The following SNX25 variants were observed in gnomAD, a reference collection of about 807,000 sequenced individuals.
SNX25 encodes the protein sorting nexin-25.
In SNX25, 62 loss-of-function variants were observed where a neutral mutation model predicts 113.7. The observed-to-expected ratio is 0.55, with a 90% confidence interval of 0.44 to 0.67. The LOEUF is 0.67. Among genes scored for constraint, SNX25 ranks in the 30% least tolerant of loss-of-function variants. The pLI, the probability that SNX25 is intolerant of heterozygous loss-of-function variation, is 0.00. For missense variants in SNX25, 1,014 were observed against 1,161.0 expected, an observed-to-expected ratio of 0.87 and a Z score of 1.84; for synonymous variants, 421 against 436.2, an observed-to-expected ratio of 0.97 and a Z score of 0.43.
chr4:185,243,896 T>C (rs1417555796), intron 1 of SNX25, among the ~76,000 whole-genome samples: 1 of 152,226 alleles, frequency 6.6e-6, no homozygotes, highest in Non-Finnish European at 1.5e-5. Flanking sequence ...GATAGACACA[T>C]ATCCAAAGAA....
chr4:185,294,815 G>A (rs1055786920), intron 6 of SNX25, among the ~76,000 whole-genome samples: 2 of 151,856 alleles, frequency 1.3e-5, no homozygotes, highest in African/African-American at 2.4e-5. Context: ...ATTTAAGTAC[G>A]GATACTTTTT....
intron 2 of SNX25, among the ~76,000 whole-genome samples, chr4:185,256,422 G>GA (rs1420859237): frequency 6.6e-6 from 1 of 151,916 alleles, no homozygotes; most frequent in South Asian, 2.1e-4. Flanking sequence ...CTGGAAATGT[G>GA]AAAAAACATT....
chr4:185,331,124 T>C (rs910740190), intron 9 of SNX25, among the ~76,000 whole-genome samples: 2 of 152,224 alleles, frequency 1.3e-5, no homozygotes, highest in Non-Finnish European at 1.5e-5. Flanking sequence ...CCAGAGCTCC[T>C]ACTCTTTGTT....
intron 5 of SNX25, among the ~76,000 whole-genome samples, chr4:185,287,242 T>G (rs1751465885): frequency 6.6e-6 from 1 of 152,206 alleles, no homozygotes; most frequent in Non-Finnish European, 1.5e-5. Context: ...TTTCCTGACT[T>G]GGAGGTCTTC....
chr4:185,366,504 C>A (rs576055307), downstream of SNX25: 4 of 152,278 alleles, frequency 2.6e-5, 1 homozygote, highest in South Asian at 8.3e-4. Flanking sequence ...TTATAACCCA[C>A]TTTTTTGAAG....
At chr4:185,267,708 G>A (rs1326663903) in intron 5 of SNX25, among the ~76,000 whole-genome samples, 5 of 151,284 alleles carry the variant, frequency 3.3e-5, no homozygotes, top group Admixed American at 6.6e-5. Flanking sequence ...TCCAGCCTGG[G>A]TGACAGAGTG....
At chr4:185,360,928 A>AT (rs10655975) in intron 16 of SNX25, among the ~76,000 whole-genome samples, 4,302 of 115,782 alleles carry the variant, frequency 0.037, 239 homozygotes, top group African/African-American at 0.17. Context: ...CAAAAAAAAA[A>AT]TAATATATAT....
rs1737518788 is a variant in SNX25, at chr4:185,210,236, C to G, written c.410C>G (p.Ala137Gly). 1.3e-5 allele frequency: 13 copies of G among 984,966 alleles called. No homozygotes were observed. Among genetic ancestry groups the G allele is most frequent in the Non-Finnish European group, 1.6e-5 (13 of 830,054 alleles). 61.0% of individuals were successfully genotyped at this position (984,966 alleles called of 1,614,324 possible). The stretch of plus-strand genomic sequence containing the variant: ...TGGAGCCGGCTGGCCGCGACCTCAG[C>G]CGCCCGCCGCCCGCCGGGGGTAAGT... ...AAWSRLAATS[A>G]ARRPPGSPVY... The change falls in exon 1 of 19, where the codon GCC (alanine) becomes GGC (glycine). Residue 137 changes from alanine to glycine, a missense_variant. Ala to Gly is a moderately conservative substitution (Grantham distance 60). Coordinates refer to ENST00000652585, the MANE Select transcript of SNX25 (RefSeq NM_001378034.2). The surrounding 1 kb of genome is among the most constrained non-coding windows in gnomAD (Gnocchi z 4.4).
At chr4:185,219,816 T>C (rs1050118854) in intron 1 of SNX25, among the ~76,000 whole-genome samples, 1 of 152,094 alleles carries the variant, frequency 6.6e-6, no homozygotes, top group African/African-American at 2.4e-5. Context: ...ACCCGAGGGC[T>C]GCTTGCAGGC....
At chr4:185,287,605 G>A (rs938979871) in intron 5 of SNX25, among the ~76,000 whole-genome samples, 1 of 152,196 alleles carries the variant, frequency 6.6e-6, no homozygotes, top group Non-Finnish European at 1.5e-5. Flanking sequence ...GGAACTAAAC[G>A]TTTATTAATT....
downstream of SNX25, chr4:185,366,467 G>A (rs896516984): frequency 2.0e-5 from 3 of 152,164 alleles, no homozygotes; most frequent in Non-Finnish European, 2.9e-5. Flanking sequence ...GGGAAGATTT[G>A]GAGGGGCAAG....
intron 11 of SNX25, among the ~76,000 whole-genome samples, chr4:185,341,593 C>G (rs1299275552): frequency 6.6e-6 from 1 of 152,182 alleles, no homozygotes; most frequent in Non-Finnish European, 1.5e-5. Flanking sequence ...AAAGTCTTGT[C>G]TGAAGACTCA....
At chr4:185,351,919 T>TGGGGGGGC (rs2095317299) in intron 14 of SNX25, among the ~76,000 whole-genome samples, 1 of 143,386 alleles carries the variant, frequency 7.0e-6, no homozygotes, top group Non-Finnish European at 1.5e-5. Context: ...GGTGGGGGGG[T>TGGGGGGGC]TCATGCTGAA....
At chr4:185,254,362 C>T (rs569926192) in intron 2 of SNX25, among the ~76,000 whole-genome samples, 2 of 152,264 alleles carry the variant, frequency 1.3e-5, no homozygotes, top group South Asian at 4.1e-4. Context: ...TGTCATTAGA[C>T]AAGTTTCTGG....
intron 12 of SNX25, among the ~76,000 whole-genome samples, chr4:185,343,154 G>A (rs1314773904): frequency 2.0e-5 from 3 of 152,190 alleles, no homozygotes; most frequent in African/African-American, 7.2e-5. Flanking sequence ...GCCTTACAAA[G>A]AGCTAGGATT....
chr4:185,305,146 G>A (rs551885929), intron 6 of SNX25, among the ~76,000 whole-genome samples: 86 of 152,238 alleles, frequency 5.6e-4, no homozygotes, highest in Non-Finnish European at 1.1e-3. Flanking sequence ...GACATTTTTG[G>A]TTGTCGTCTT....
chr4:185,340,758 A>G (rs1157946080), intron 11 of SNX25, among the ~76,000 whole-genome samples: 1 of 152,156 alleles, frequency 6.6e-6, no homozygotes. Flanking sequence ...GGAAGGAAGG[A>G]GTGGAAACCA....
At chr4:185,214,967 A>T (rs1024600375) in intron 1 of SNX25, among the ~76,000 whole-genome samples, 2 of 152,196 alleles carry the variant, frequency 1.3e-5, no homozygotes, top group Non-Finnish European at 2.9e-5. Context: ...GCGGTGTCTC[A>T]CGCCTGTAAT....
At chr4:185,258,456 G>A (rs1025848405) in intron 2 of SNX25, among the ~76,000 whole-genome samples, 2 of 152,148 alleles carry the variant, frequency 1.3e-5, no homozygotes, top group Non-Finnish European at 1.5e-5. Context: ...TGTTTGCAGG[G>A]CCCAGCTCCA....
Sources: allele counts gnomAD v4.1 joint callset (sites outside exome capture counted in the v4.1 genomes callset), GRCh38; gene constraint gnomAD v4.1.1; non-coding constraint Gnocchi (gnomAD v3.1); transcripts MANE v1.5; gene names NCBI Gene and HGNC (gene_info 2026-07-23, HGNC 2026-07-21).